BRAF: variants seen among roughly 807,000 people sequenced by gnomAD.
BRAF encodes the protein serine/threonine-protein kinase B-raf.
Under a neutral mutation model 104.6 loss-of-function variants are expected in BRAF, and 16 were observed. The observed-to-expected ratio is 0.15, with a 90% CI of 0.10 to 0.23. BRAF has a LOEUF of 0.23. Ranked by LOEUF, BRAF falls within the 10% of genes least tolerant of loss-of-function variation. The pLI, the probability that BRAF is intolerant of heterozygous loss-of-function variation, is 1.00. For missense variants in BRAF, 541 were observed against 937.3 expected (o/e 0.58, Z 5.52); for synonymous variants, 310 against 341.6 (o/e 0.91, Z 1.02).
intron 1 of BRAF, among the ~76,000 whole-genome samples, chr7:140,853,227 A>G (rs1483537194): frequency 6.8e-6 from 1 of 147,432 alleles, no homozygotes; most frequent in Non-Finnish European, 1.5e-5. Context: ...AAAAAAAAGA[A>G]AAAAAAAAAA....
At chr7:140,791,458 CATAAAGG>C (rs1190492454) in intron 8 of BRAF, among the ~76,000 whole-genome samples, 1 of 151,986 alleles carries the variant, frequency 6.6e-6, no homozygotes, top group Non-Finnish European at 1.5e-5. Context: ...AGAGCCAGCC[CATAAAGG>C]AGACAGAGAG....
At chr7:140,830,375 G>A (rs1806592320) in intron 3 of BRAF, among the ~76,000 whole-genome samples, 1 of 152,058 alleles carries the variant, frequency 6.6e-6, no homozygotes. Flanking sequence ...TATATATTTT[G>A]GTCTTCAACC....
chr7:140,904,671 C>T (rs1014312201), intron 1 of BRAF, among the ~76,000 whole-genome samples: 4 of 152,168 alleles, frequency 2.6e-5, no homozygotes, highest in Non-Finnish European at 5.9e-5. Context: ...TGCAATGGCA[C>T]GATCTCGGCT....
chr7:140,786,036 T>C (rs1053505933), intron 9 of BRAF, among the ~76,000 whole-genome samples: 1 of 152,250 alleles, frequency 6.6e-6, no homozygotes, highest in African/African-American at 2.4e-5. Context: ...GCTGTGTTTA[T>C]GACTAAGTTA....
At chr7:140,903,118 G>T (rs1247244768) in intron 1 of BRAF, among the ~76,000 whole-genome samples, 1 of 151,726 alleles carries the variant, frequency 6.6e-6, no homozygotes, top group African/African-American at 2.4e-5. Flanking sequence ...TAGAGACAGG[G>T]TTTCTCCATG....
At chr7:140,869,637 A>C (rs1350719199) in intron 1 of BRAF, among the ~76,000 whole-genome samples, 1 of 128,048 alleles carries the variant, frequency 7.8e-6, no homozygotes, top group Admixed American at 7.8e-5. Context: ...TGTCTCAAAC[A>C]AAAAAAAAAA....
At chr7:140,910,851 G>A (rs974972049) in intron 1 of BRAF, among the ~76,000 whole-genome samples, 32 of 152,116 alleles carry the variant, frequency 2.1e-4, no homozygotes, top group African/African-American at 7.7e-4. Flanking sequence ...TTTTTGTAGA[G>A]ACAGGGGCTC....
chr7:140,735,161 A>G (rs2130873810), intron 18 of BRAF, among the ~76,000 whole-genome samples: 1 of 152,368 alleles, frequency 6.6e-6, no homozygotes, highest in African/African-American at 2.4e-5. Context: ...TGGAGTATAA[A>G]TAAGTAAAGC....
chr7:140,902,547 G>T (rs968000505), intron 1 of BRAF, among the ~76,000 whole-genome samples: 1 of 152,310 alleles, frequency 6.6e-6, no homozygotes, highest in African/African-American at 2.4e-5. Context: ...TGAAAGGCAG[G>T]CCTCTTGTAC....
At chr7:140,807,450 T>C (rs187527161) in intron 5 of BRAF, among the ~76,000 whole-genome samples, 4 of 152,042 alleles carry the variant, frequency 2.6e-5, no homozygotes, top group African/African-American at 9.6e-5. Flanking sequence ...CATGAAAAGA[T>C]GTCCGTGACA....
chr7:140,776,599 G>A (rs190248301), intron 14 of BRAF, among the ~76,000 whole-genome samples: 1 of 152,268 alleles, frequency 6.6e-6, no homozygotes, highest in African/African-American at 2.4e-5. Flanking sequence ...TTGCACAACT[G>A]CTAACAACTT....
At chr7:140,780,927 A>G (rs907200006) in intron 12 of BRAF, 1 of 152,072 alleles carries the variant, frequency 6.6e-6, no homozygotes, top group Non-Finnish European at 1.5e-5. Context: ...CTGGCCACTT[A>G]TATTTCTTTG....
intron 2 of BRAF, among the ~76,000 whole-genome samples, chr7:140,845,655 T>C (rs1255404605): frequency 6.6e-6 from 1 of 152,064 alleles, no homozygotes; most frequent in East Asian, 1.9e-4. Flanking sequence ...TTCACGCACA[T>C]GAGGCTATGT....
In BRAF at chr7:140,794,399, T is replaced by A; in HGVS notation, c.1049A>T (p.Asp350Val). Reference protein sequence around the residue: ...IPIPQPFRPADEDHRNQFGQR... With the variant: ...IPIPQPFRPAVEDHRNQFGQR... ...CCCAAATTGATTTCGATGATCTTCATCTGCTGGTCGGAAGGGCTGTGGAAT... is the reference window on the plus strand; with the variant it reads ...CCCAAATTGATTTCGATGATCTTCAACTGCTGGTCGGAAGGGCTGTGGAAT... The change falls in exon 8 of 20, where the codon GAT (aspartate) becomes GTT (valine). Residue 350 changes from aspartate to valine, a missense_variant. This residue lies in a region of BRAF where 79 missense variants were observed against 74.6 expected (regional missense o/e 1.06). Coordinates refer to ENST00000644969, the MANE Select transcript of BRAF (RefSeq NM_001374258.1). The A allele has an allele frequency of 6.2e-7, 1 of 1,614,110 alleles. No individual in the cohort carries two copies. The highest frequency in any genetic ancestry group is 8.5e-7 in the Non-Finnish European group (1 of 1,180,002).
chr7:140,750,638 C>T (rs768113482), intron 16 of BRAF, among the ~76,000 whole-genome samples: 1 of 152,134 alleles, frequency 6.6e-6, no homozygotes, highest in Non-Finnish European at 1.5e-5. Flanking sequence ...ACATTTTGTT[C>T]ATAGTTGCTT....
chr7:140,832,160 A>G (rs1806834396), intron 3 of BRAF, among the ~76,000 whole-genome samples: 1 of 152,228 alleles, frequency 6.6e-6, no homozygotes, highest in African/African-American at 2.4e-5. Context: ...AGGAACAAAG[A>G]TATAAAGGCA....
At chr7:140,891,665 G>T (rs1487129761) in intron 1 of BRAF, among the ~76,000 whole-genome samples, 1 of 151,852 alleles carries the variant, frequency 6.6e-6, no homozygotes, top group South Asian at 2.1e-4. Context: ...TCGATTTGAG[G>T]GCATTAAATC....
chr7:140,743,833 C>G (rs892446489), intron 17 of BRAF, among the ~76,000 whole-genome samples: 8 of 152,130 alleles, frequency 5.3e-5, no homozygotes, highest in Non-Finnish European at 1.2e-4. Context: ...TGGTGTCAAA[C>G]TGGGCTCCAA....
chr7:140,898,074 T>G (rs1000655819), intron 1 of BRAF, among the ~76,000 whole-genome samples: 1 of 152,134 alleles, frequency 6.6e-6, no homozygotes, highest in African/African-American at 2.4e-5. Flanking sequence ...CACAGTGGTG[T>G]GCATTTGTCC....
Sources: gnomAD v4.1 joint callset for allele counts (sites outside exome capture counted in the v4.1 genomes callset) on GRCh38, gnomAD v4.1.1 for gene constraint, gnomAD v4.1.1 regional missense constraint, MANE v1.5 for transcripts, NCBI Gene and HGNC (gene_info 2026-07-23, HGNC 2026-07-21) for gene names.